Variants in PCNX2 observed in about 807,000 individuals in gnomAD.
PCNX2 encodes the protein pecanex-like protein 2.
A neutral mutation model predicts 223.8 loss-of-function variants in PCNX2; 168 were observed. That is an observed-to-expected ratio of 0.75 (90% CI 0.66 to 0.85). The LOEUF is 0.85. PCNX2 is among the 40% of genes least tolerant of loss of function. PCNX2 has a pLI of 0.00. For synonymous variants in PCNX2, 1,006 were observed against 1,052.6 expected, an observed-to-expected ratio of 0.96 and a Z score of 0.86; for missense variants, 2,507 against 2,675.5, an observed-to-expected ratio of 0.94 and a Z score of 1.39.
intron 32 of PCNX2, among the ~76,000 whole-genome samples, chr1:232,995,986 T>C (rs529669581): frequency 6.6e-6 from 1 of 152,136 alleles, no homozygotes; most frequent in South Asian, 2.1e-4. Flanking sequence ...GCCTCCCAAG[T>C]AACTGGGATT....
intron 10 of PCNX2, among the ~76,000 whole-genome samples, chr1:233,220,853 A>T (rs1657333016): frequency 6.6e-6 from 1 of 152,252 alleles, no homozygotes; most frequent in African/African-American, 2.4e-5. Context: ...TGCATGAATC[A>T]TTTGATAGGG....
intron 21 of PCNX2, among the ~76,000 whole-genome samples, chr1:233,133,207 C>T (rs950663758): frequency 6.6e-6 from 1 of 152,170 alleles, no homozygotes; most frequent in Admixed American, 6.5e-5. Context: ...CCACATTTTA[C>T]ATCTGATGAT....
At chr1:233,320,452 C>T in the PCNX2 span, among the ~76,000 whole-genome samples, 4 of 152,136 alleles carry the variant, frequency 2.6e-5, no homozygotes, top group Non-Finnish European at 5.9e-5. Flanking sequence ...ACAGTTCCAT[C>T]CCACAGGTCT....
chr1:233,242,708 A>T lies in PCNX2; in HGVS notation c.2223-5728T>A, dbSNP rs563293422. On this transcript the variant is annotated intron_variant, in intron 8 of 33. Transcript: ENST00000258229. ...AGTAATAAAACTTCACTCTGCAACAAACCCTCTGCACTCAAAAACACATTT... is the reference window on the plus strand; with the variant it reads ...AGTAATAAAACTTCACTCTGCAACATACCCTCTGCACTCAAAAACACATTT... Among the ~76,000 whole-genome samples, 213 of 152,330 alleles carry T rather than the reference A, an allele frequency of 1.4e-3. 3 individuals carry two copies. Among genetic ancestry groups the T allele is most frequent in the South Asian group, 2.1e-3 (10 of 4,824 alleles).
chr1:233,035,517 C>G (rs6424267), intron 25 of PCNX2, among the ~76,000 whole-genome samples: 38,463 of 152,120 alleles, frequency 0.25, 6,211 homozygotes, highest in African/African-American at 0.46. Context: ...ATACCTAGCA[C>G]TGAGGTGACC....
chr1:233,295,731 AT>A (rs895940350), upstream of PCNX2: 2 of 371,738 alleles, frequency 5.4e-6, no homozygotes, highest in Non-Finnish European at 9.3e-6. The surrounding 1 kb of genome is among the most constrained non-coding windows in gnomAD (Gnocchi z 4.1). Context: ...GGGAGGAAGG[AT>A]TTTCCCATCG....
chr1:233,090,075 C>T lies in PCNX2; in HGVS notation c.4062G>A (p.Trp1354Ter), dbSNP rs768070976. Reference sequence around the variant, plus strand: ...TAGGATCTTACTTGTAGTTTTTCTCCCAGAATTTCACTGGCCTGACATATG... The same window carrying T: ...TAGGATCTTACTTGTAGTTTTTCTCTCAGAATTTCACTGGCCTGACATATG... ...ITSYVRPVKFWEKNYNTRRVD... is the reference protein window; with the variant it reads ...ITSYVRPVKF The change falls in exon 23 of 34, where the codon TGG (tryptophan) becomes TGA (stop). Residue 1354 changes from tryptophan to a stop codon, truncating the protein, a stop_gained. Coordinates refer to ENST00000258229, the MANE Select transcript of PCNX2 (RefSeq NM_014801.4). LOFTEE classifies it high-confidence loss of function. 1 of 1,613,532 alleles carries T rather than the reference C, an allele frequency of 6.2e-7. No homozygotes were observed. Among genetic ancestry groups the T allele is most frequent in the Non-Finnish European group, 8.5e-7 (1 of 1,179,722 alleles).
At chr1:232,984,632 C>T (rs995564756) in intron 33 of PCNX2, 155 bp from the exon 34 acceptor site, 3 of 764,962 alleles carry the variant, frequency 3.9e-6, no homozygotes, top group East Asian at 2.9e-5. Flanking sequence ...GATAGAGGGC[C>T]AGCACAGTGG....
At chr1:233,082,733 T>A (rs1673417969) in intron 23 of PCNX2, among the ~76,000 whole-genome samples, 1 of 152,188 alleles carries the variant, frequency 6.6e-6, no homozygotes, top group Non-Finnish European at 1.5e-5. Flanking sequence ...GCTTAGTGGG[T>A]AGGAAGCATT....
At chr1:233,203,048 G>A (rs1383005480) in intron 13 of PCNX2, among the ~76,000 whole-genome samples, 2 of 152,122 alleles carry the variant, frequency 1.3e-5, no homozygotes, top group Non-Finnish European at 2.9e-5. Context: ...GGCTACAAAA[G>A]AGAATAAAAT....
chr1:233,208,066 C>G (rs1681586546), intron 13 of PCNX2, among the ~76,000 whole-genome samples: 1 of 152,130 alleles, frequency 6.6e-6, no homozygotes, highest in East Asian at 1.9e-4. Flanking sequence ...AGCAATTCTC[C>G]TCCCTCAGCC....
In PCNX2 at chr1:233,246,151, G is replaced by A. The variant is rs1055666682; in HGVS notation, c.2222+4588C>T. ...CAGATGGGATGAATGCCCTTCAGAT[G>A]GGATAAATGCCCTTCAGATGGGATA... On this transcript the variant is annotated intron_variant, in intron 8 of 33. Coordinates refer to ENST00000258229, the MANE Select transcript of PCNX2 (RefSeq NM_014801.4). 4.0e-5 allele frequency among the ~76,000 whole-genome samples: 6 copies of A among 151,250 alleles called. No individual in the cohort carries two copies. In the South Asian group the frequency reaches 1.2e-3, roughly 31 times the overall value.
At chr1:233,238,522 C>A (rs1042948633) in intron 8 of PCNX2, among the ~76,000 whole-genome samples, 1 of 151,796 alleles carries the variant, frequency 6.6e-6, no homozygotes, top group Non-Finnish European at 1.5e-5. Flanking sequence ...GAGACCTAAG[C>A]GCTACAAAAA....
chr1:233,059,279 C>G (rs565992327), intron 23 of PCNX2, among the ~76,000 whole-genome samples: 2 of 152,322 alleles, frequency 1.3e-5, no homozygotes, highest in East Asian at 3.9e-4. Context: ...TTTGGAGCAC[C>G]TGTCAAGGCT....
rs1048400178 is a variant in PCNX2 at position 233,199,034 on chromosome 1, G to T, written c.2975-4C>A. 6.4e-7 allele frequency: 1 copy of T among 1,569,964 alleles called. No individual in the cohort carries two copies. Among genetic ancestry groups the T allele is most frequent in the Non-Finnish European group, 8.6e-7 (1 of 1,158,548 alleles). Reference sequence around the variant, plus strand: ...GCCGAGGTTATCCCAGACACAGCTGGAACACAAACATCAACAGTTCTTTTC... The same window carrying T: ...GCCGAGGTTATCCCAGACACAGCTGTAACACAAACATCAACAGTTCTTTTC... On this transcript the variant is annotated splice_region_variant and splice_polypyrimidine_tract_variant and intron_variant, in intron 14 of 33. Coordinates refer to ENST00000258229, the MANE Select transcript of PCNX2 (RefSeq NM_014801.4).
At chr1:233,118,099 A>G (rs1055646431) in intron 21 of PCNX2, among the ~76,000 whole-genome samples, 4 of 152,238 alleles carry the variant, frequency 2.6e-5, no homozygotes, top group Admixed American at 6.5e-5. Context: ...AAATCAATCA[A>G]TGTAATCCAC....
intron 1 of PCNX2, chr1:233,292,109 C>A (rs1177527503): frequency 1.2e-6 from 1 of 861,250 alleles, no homozygotes; most frequent in Non-Finnish European, 1.4e-6. Context: ...AAATTTGCCT[C>A]AATAATTAAT....
chr1:232,995,183 G>C (rs577929949), intron 32 of PCNX2, among the ~76,000 whole-genome samples: 1 of 152,208 alleles, frequency 6.6e-6, no homozygotes, highest in African/African-American at 2.4e-5. Context: ...GGCAGAGAAA[G>C]AGCAGGGTGG....
intron 26 of PCNX2, among the ~76,000 whole-genome samples, chr1:233,020,440 T>C (rs1398522171): frequency 6.6e-6 from 1 of 152,242 alleles, no homozygotes; most frequent in Non-Finnish European, 1.5e-5. Context: ...AATGAATTGA[T>C]GGGGTAAACC....
Sources: gnomAD v4.1 joint callset for allele counts (sites outside exome capture counted in the v4.1 genomes callset) on GRCh38, gnomAD v4.1.1 for gene constraint, Gnocchi (gnomAD v3.1) non-coding constraint, MANE v1.5 for transcripts, NCBI Gene and HGNC (gene_info 2026-07-23, HGNC 2026-07-21) for gene names.